Variants in NAALADL2 observed in about 807,000 individuals in gnomAD.
NAALADL2 encodes the protein N-acetylated alpha-linked acidic dipeptidase like 2, also known as inactive N-acetylated-alpha-linked acidic dipeptidase-like protein 2.
Under a neutral mutation model 87.2 loss-of-function variants are expected in NAALADL2, and 76 were observed. That is an observed-to-expected ratio of 0.87 (90% CI 0.72 to 1.05). The LOEUF (loss-of-function observed/expected upper bound fraction) is 1.05, where lower values mean the gene tolerates loss of function less well. NAALADL2 is among the 50% of genes least tolerant of loss of function. The probability of loss-of-function intolerance (pLI) is 0.00; values close to 1 mark genes in which losing one functional copy is unlikely to be tolerated. For synonymous variants in NAALADL2, 354 were observed against 331.0 expected (o/e 1.07, Z -0.75); for missense variants, 1,089 against 945.8 (o/e 1.15, Z -1.99).
chr3:175,484,406 C>G (rs982301522), intron 9 of NAALADL2, among the ~76,000 whole-genome samples: 2 of 152,010 alleles, frequency 1.3e-5, no homozygotes, highest in African/African-American at 2.4e-5. Context: ...TATAAAATTG[C>G]TGTCAACATA....
chr3:175,693,999 A>AT (rs1339611070), intron 11 of NAALADL2, among the ~76,000 whole-genome samples: 1 of 152,050 alleles, frequency 6.6e-6, no homozygotes, highest in African/African-American at 2.4e-5. Flanking sequence ...GGCCAGTCTG[A>AT]TTTTTTTAAA....
intron 3 of NAALADL2, among the ~76,000 whole-genome samples, chr3:174,803,168 A>G (rs1254411559): frequency 1.3e-5 from 2 of 152,130 alleles, no homozygotes; most frequent in Non-Finnish European, 2.9e-5. Context: ...AATGATCGCC[A>G]TTCTAACTGA....
At chr3:175,265,503 G>C (rs1751776092) in intron 4 of NAALADL2, among the ~76,000 whole-genome samples, 1 of 151,504 alleles carries the variant, frequency 6.6e-6, no homozygotes, top group Admixed American at 6.6e-5. Context: ...TTGTCTGACT[G>C]TCTCTTGATA....
rs556822584 is a variant in NAALADL2 at position 175,808,793 on chromosome 3, G to C, written c.*5590G>C. On this transcript the variant is annotated 3_prime_UTR_variant, in exon 14 of 14. Transcript: ENST00000454872. ...GCATTGAAGTTAATGTCGGTCTTTT[G>C]TTCTAATTAAAGTACAAACGTGGCA... The C allele has an allele frequency of 6.6e-6, 1 of 151,950 alleles. No homozygotes were observed. Among genetic ancestry groups the C allele is most frequent in the Non-Finnish European group, 1.5e-5 (1 of 67,936 alleles). The allele number at this position is 151,950 out of a possible 1,614,324, so 9.4% of individuals were successfully genotyped here.
intron 4 of NAALADL2, among the ~76,000 whole-genome samples, chr3:175,277,615 T>G (rs560578338): frequency 5.5e-4 from 84 of 152,316 alleles, no homozygotes; most frequent in Non-Finnish European, 1.0e-3. Flanking sequence ...AACCTTATTG[T>G]GTCAACCCAT....
chr3:175,199,852 A>T (rs1580892565), intron 2 of NAALADL2, among the ~76,000 whole-genome samples: 7 of 18,326 alleles, frequency 3.8e-4, no homozygotes, highest in South Asian at 2.5e-3. Context: ...ATATATATAT[A>T]TATATATATA....
rs1578761102 is a variant in NAALADL2, at chr3:174,745,503, A to G, written c.-9+7757A>G. ...GATGGATTTACAGCAGAATTCTACTAGAGGTACAAAGAGGAGCTGGTACCA... is the reference window on the plus strand; with the variant it reads ...GATGGATTTACAGCAGAATTCTACTGGAGGTACAAAGAGGAGCTGGTACCA... On this transcript the variant is annotated intron_variant, in intron 3 of 3. Coordinates refer to the NAALADL2 transcript ENST00000434257. Among the ~76,000 whole-genome samples the G allele has an allele frequency of 2.6e-5, 4 of 152,314 alleles. No individual in the cohort carries two copies. In the East Asian group the frequency reaches 5.8e-4, roughly 22 times the overall value.
intron 2 of NAALADL2, among the ~76,000 whole-genome samples, chr3:174,727,685 A>T (rs1341183088): frequency 6.6e-6 from 1 of 152,078 alleles, no homozygotes; most frequent in East Asian, 1.9e-4. Context: ...CACCAGTGTG[A>T]TATATTTGTT....
At chr3:175,613,403 G>C (rs1724907753) in intron 10 of NAALADL2, among the ~76,000 whole-genome samples, 1 of 152,104 alleles carries the variant, frequency 6.6e-6, no homozygotes, top group Non-Finnish European at 1.5e-5. Context: ...AATTACTGAA[G>C]AATGGGCAAG....
At chr3:174,737,443 G>T (rs1349479611) in intron 2 of NAALADL2, among the ~76,000 whole-genome samples, 1 of 152,204 alleles carries the variant, frequency 6.6e-6, no homozygotes, top group Non-Finnish European at 1.5e-5. Context: ...TGTTGTTAAG[G>T]TAAAATGGTA....
intron 4 of NAALADL2, among the ~76,000 whole-genome samples, chr3:175,290,879 T>C (rs996960420): frequency 3.3e-5 from 5 of 151,866 alleles, no homozygotes; most frequent in East Asian, 1.9e-4. Context: ...TCAGTTTGAA[T>C]AGAGAAAGAT....
At chr3:174,666,537 T>C (rs553239495) in intron 2 of NAALADL2, among the ~76,000 whole-genome samples, 34 of 152,348 alleles carry the variant, frequency 2.2e-4, no homozygotes, top group African/African-American at 7.7e-4. Flanking sequence ...TAATTTTATT[T>C]GGGCATCGTT....
intron 2 of NAALADL2, among the ~76,000 whole-genome samples, chr3:175,209,926 A>G (rs553606913): frequency 6.6e-6 from 1 of 151,922 alleles, no homozygotes; most frequent in Non-Finnish European, 1.5e-5. Context: ...CTTCGTTTTC[A>G]ATAAAGCAGT....
chr3:174,921,362 T>C (rs1735161361), intron 1 of NAALADL2, among the ~76,000 whole-genome samples: 2 of 152,348 alleles, frequency 1.3e-5, no homozygotes, highest in Admixed American at 1.3e-4. Context: ...TTTGTTATTT[T>C]TTATTTTACG....
chr3:175,118,973 T>G (rs1174342990), intron 2 of NAALADL2, among the ~76,000 whole-genome samples: 2 of 151,920 alleles, frequency 1.3e-5, no homozygotes, highest in Admixed American at 6.6e-5. Context: ...TGTTGCCTAT[T>G]ATAACATGTG....
intron 1 of NAALADL2, among the ~76,000 whole-genome samples, chr3:174,886,618 A>T (rs939497708): frequency 2.6e-5 from 4 of 152,214 alleles, no homozygotes; most frequent in African/African-American, 9.6e-5. Flanking sequence ...TTACTGGAAT[A>T]GCTATATTCT....
At chr3:175,787,584 C>T (rs910265490) in intron 13 of NAALADL2, among the ~76,000 whole-genome samples, 8 of 152,220 alleles carry the variant, frequency 5.3e-5, no homozygotes, top group East Asian at 1.9e-4. Context: ...GCACGGTGCG[C>T]GCACCCACTG....
rs561778175 is a variant in NAALADL2, at chr3:175,543,139, C to G, written c.1654-32902C>G. ...CTGTTTCACATAAATTCTTATCCAC[C>G]TAATACCCTGTTTTTTCCACTGCCC... On this transcript the variant is annotated intron_variant, in intron 9 of 13. Coordinates refer to ENST00000454872, the MANE Select transcript of NAALADL2 (RefSeq NM_207015.3). Among the ~76,000 whole-genome samples, 11 of 152,206 alleles carry G rather than the reference C, an allele frequency of 7.2e-5. No individual in the cohort carries two copies. The South Asian group carries it at 1.2e-3, about 17-fold the overall frequency.
chr3:174,784,172 AG>A (rs1388719704), intron 3 of NAALADL2, among the ~76,000 whole-genome samples: 3 of 152,300 alleles, frequency 2.0e-5, no homozygotes, highest in South Asian at 2.1e-4. Flanking sequence ...TTTGTTTATT[AG>A]TAATGTATAT....
Sources: allele counts gnomAD v4.1 joint callset (sites outside exome capture counted in the v4.1 genomes callset), GRCh38; gene constraint gnomAD v4.1.1; transcripts MANE v1.5; gene names NCBI Gene and HGNC (gene_info 2026-07-23, HGNC 2026-07-21).